The following MAGI2 variants were observed in gnomAD, a reference collection of about 807,000 sequenced individuals.
The protein encoded by MAGI2 is membrane-associated guanylate kinase, WW and PDZ domain-containing protein 2.
A neutral mutation model predicts 133.3 loss-of-function variants in MAGI2; 35 were observed. The observed-to-expected ratio is 0.26, with a 90% CI of 0.20 to 0.35. MAGI2 has a LOEUF of 0.35. MAGI2 is among the 10% of genes least tolerant of loss of function. The probability of loss-of-function intolerance (pLI) is 1.00; values close to 1 mark genes in which losing one functional copy is unlikely to be tolerated. For synonymous variants in MAGI2, 729 were observed against 710.6 expected, an observed-to-expected ratio of 1.03 and a Z score of -0.41; for missense variants, 1,636 against 1,863.4, an observed-to-expected ratio of 0.88 and a Z score of 2.25.
At chr7:79,378,946 ATATATATATATATATATATATATATT>A (rs1843579289) in intron 1 of MAGI2, among the ~76,000 whole-genome samples, 1 of 58,032 alleles carries the variant, frequency 1.7e-5, no homozygotes, top group African/African-American at 8.7e-5. Flanking sequence ...ATATATATAT[ATATATATATATATATATATATATATT>A]AAACTTTAAG....
chr7:78,493,901 T>A (rs1226134606), intron 5 of MAGI2, among the ~76,000 whole-genome samples: 1 of 152,172 alleles, frequency 6.6e-6, no homozygotes, highest in African/African-American at 2.4e-5. Context: ...TGAGGAGGCA[T>A]TGATAATACC....
At chr7:78,950,385 G>T (rs1801770001) in intron 2 of MAGI2, among the ~76,000 whole-genome samples, 1 of 152,112 alleles carries the variant, frequency 6.6e-6, no homozygotes, top group Non-Finnish European at 1.5e-5. Flanking sequence ...TTTAAAAAAT[G>T]CAGTTAGTAT....
intron 2 of MAGI2, among the ~76,000 whole-genome samples, chr7:78,683,412 TATGAAC>T (rs1261989512): frequency 1.3e-5 from 2 of 151,890 alleles, no homozygotes; most frequent in East Asian, 3.9e-4. Flanking sequence ...AAGGGCAGAG[TATGAAC>T]AAATAAGAAG....
intron 1 of MAGI2, among the ~76,000 whole-genome samples, chr7:79,424,650 A>T (rs1847215443): frequency 6.6e-6 from 1 of 152,216 alleles, no homozygotes; most frequent in Non-Finnish European, 1.5e-5. Flanking sequence ...ACTTCAAAAC[A>T]TCATATTGTA....
chr7:79,207,200 G>A (rs1445619762), intron 1 of MAGI2, among the ~76,000 whole-genome samples: 2 of 151,832 alleles, frequency 1.3e-5, no homozygotes, highest in Non-Finnish European at 2.9e-5. Flanking sequence ...ATCCAATACA[G>A]TACTGCACGT....
intron 1 of MAGI2, among the ~76,000 whole-genome samples, chr7:79,136,025 GAA>G (rs1821443886): frequency 8.3e-6 from 1 of 120,214 alleles, no homozygotes; most frequent in Admixed American, 8.6e-5. Flanking sequence ...AAGAAAGAAA[GAA>G]GGAAAGAAAG....
chr7:78,766,903 T>C (rs1359491920), intron 2 of MAGI2, among the ~76,000 whole-genome samples: 1 of 152,220 alleles, frequency 6.6e-6, no homozygotes, highest in African/African-American at 2.4e-5. Flanking sequence ...TTATAGGTCT[T>C]GACATGCTTG....
At chr7:78,458,038 T>C (rs922618439) in intron 6 of MAGI2, among the ~76,000 whole-genome samples, 3 of 151,840 alleles carry the variant, frequency 2.0e-5, no homozygotes, top group African/African-American at 4.8e-5. Flanking sequence ...TGGCTAATGC[T>C]TGTAATCCCA....
chr7:78,087,503 TA>T (rs3840604), intron 20 of MAGI2, among the ~76,000 whole-genome samples: 14,238 of 152,070 alleles, frequency 0.094, 755 homozygotes, highest in African/African-American at 0.11. Flanking sequence ...GTAGAAGAGA[TA>T]AAAAAAGTAA....
intron 3 of MAGI2, among the ~76,000 whole-genome samples, chr7:78,598,435 T>C (rs1804846035): frequency 6.6e-6 from 1 of 151,684 alleles, no homozygotes; most frequent in African/African-American, 2.4e-5. Flanking sequence ...CCTATTTAGG[T>C]AAAGATGGTA....
At chr7:78,529,394 A>C (rs1797246024) in intron 3 of MAGI2, among the ~76,000 whole-genome samples, 1 of 152,164 alleles carries the variant, frequency 6.6e-6, no homozygotes, top group South Asian at 2.1e-4. Context: ...AACATTTCCC[A>C]CCTGCGCCAG....
chr7:79,252,156 C>CAAAAAAAAAAAAAAAAAAAAAAAA (rs1208897198), intron 1 of MAGI2, among the ~76,000 whole-genome samples: 1 of 102,562 alleles, frequency 9.8e-6, no homozygotes, highest in Non-Finnish European at 1.8e-5. Flanking sequence ...GACCCTGTCT[C>CAAAAAAAAAAAAAAAAAAAAAAAA]AAAAAAAAAA....
chr7:78,125,479 G>A (rs1330625014), intron 20 of MAGI2, among the ~76,000 whole-genome samples: 1 of 152,012 alleles, frequency 6.6e-6, no homozygotes, highest in Non-Finnish European at 1.5e-5. Flanking sequence ...CTTTACTGAG[G>A]TTAATCAATT....
At chr7:78,890,791 G>A (rs1015458817) in intron 2 of MAGI2, among the ~76,000 whole-genome samples, 18 of 152,216 alleles carry the variant, frequency 1.2e-4, no homozygotes, top group African/African-American at 4.1e-4. Flanking sequence ...ATCTAAAATT[G>A]ACACCCTAAC....
At chr7:78,432,615 T>C (rs765067832) in intron 6 of MAGI2, among the ~76,000 whole-genome samples, 6 of 152,094 alleles carry the variant, frequency 3.9e-5, no homozygotes, top group African/African-American at 7.2e-5. Context: ...TAATAATCAA[T>C]CACCTCTGGT....
intron 3 of MAGI2, among the ~76,000 whole-genome samples, chr7:78,619,564 C>CTA: frequency 6.6e-6 from 1 of 151,974 alleles, no homozygotes; most frequent in East Asian, 1.9e-4. Flanking sequence ...GTCAGTCCTT[C>CTA]TAGTCTCTTT....
chr7:78,065,911 C>T (rs1204086236), intron 21 of MAGI2, among the ~76,000 whole-genome samples: 1 of 152,092 alleles, frequency 6.6e-6, no homozygotes, highest in East Asian at 1.9e-4. Flanking sequence ...ATATTGAGGG[C>T]ATCCTGAGGT....
chr7:78,592,823 ATTCTC>A (rs1804157331), intron 3 of MAGI2, among the ~76,000 whole-genome samples: 1 of 103,822 alleles, frequency 9.6e-6, no homozygotes, highest in Non-Finnish European at 1.9e-5. Context: ...AAAATTACTG[ATTCTC>A]TTTTTTTTTT....
intron 1 of MAGI2, among the ~76,000 whole-genome samples, chr7:79,037,123 G>A (rs1338039027): frequency 6.6e-6 from 1 of 152,116 alleles, no homozygotes; most frequent in Non-Finnish European, 1.5e-5. Context: ...AAGCGAAGCA[G>A]TTTCCTCACT....
Sources: gnomAD v4.1 joint callset for allele counts (sites outside exome capture counted in the v4.1 genomes callset) on GRCh38, gnomAD v4.1.1 for gene constraint, MANE v1.5 for transcripts, NCBI Gene and HGNC (gene_info 2026-07-23, HGNC 2026-07-21) for gene names.